SH3TC1: variants seen among roughly 807,000 people sequenced by gnomAD.
The protein encoded by SH3TC1 is SH3 domain and tetratricopeptide repeat-containing protein 1.
Under a neutral mutation model 117.3 loss-of-function variants are expected in SH3TC1, and 135 were observed. That is an observed-to-expected ratio of 1.15 (90% CI 1.00 to 1.33). The LOEUF (loss-of-function observed/expected upper bound fraction) is 1.33. SH3TC1 is among the 40% of genes most tolerant of loss of function. SH3TC1 has a pLI of 0.00. For missense variants in SH3TC1, 2,092 were observed against 1,794.3 expected (o/e 1.17, Z -3.00); for synonymous variants, 898 against 816.9 (o/e 1.10, Z -1.69).
Position 8,225,281 on chromosome 4 carries a change from G to A in SH3TC1, c.1285+65G>A. The A allele has an allele frequency of 6.4e-7, 1 of 1,557,952 alleles. No homozygotes were observed. The highest frequency in any genetic ancestry group is 1.8e-5 in the Admixed American group (1 of 54,292). On this transcript the variant is annotated intron_variant, in intron 11 of 17. Transcript: ENST00000245105. This position sits in a 1 kb window ranked among gnomAD's most constrained non-coding sequence, Gnocchi z 5.5. Reference sequence around the variant, plus strand: ...GCTGGGCCTTGGGGTAACGCTGGGGGAGGTGACAAAGCTGAGCACGGTGGG... The same window carrying A: ...GCTGGGCCTTGGGGTAACGCTGGGGAAGGTGACAAAGCTGAGCACGGTGGG...
intron 14 of SH3TC1, among the ~76,000 whole-genome samples, chr4:8,234,476 C>A (rs1374755474): frequency 1.0e-5 from 1 of 98,158 alleles, no homozygotes; most frequent in Non-Finnish European, 2.3e-5. Context: ...TCATTCAACC[C>A]ATCCATCCAT....
At chr4:8,184,095 A>G (rs1180519582) in intron 1 of SH3TC1, among the ~76,000 whole-genome samples, 2 of 152,192 alleles carry the variant, frequency 1.3e-5, no homozygotes, top group African/African-American at 2.4e-5. Context: ...GCATGAAGGC[A>G]TATATGTGTA....
Position 8,209,610 on chromosome 4 carries a change from G to T in SH3TC1, c.173-138G>T. 1 of 1,537,202 alleles carries T rather than the reference G, an allele frequency of 6.5e-7. No individual in the cohort carries two copies. Among genetic ancestry groups the T allele is most frequent in the South Asian group, 1.2e-5 (1 of 83,606 alleles). ...CTGGGCTCTGGGGAGACTGGAGGAA[G>T]GCAGCTGTGGGAAAGGCGGCTCGTG... is the stretch of plus-strand genomic sequence containing the variant. On this transcript the variant is annotated intron_variant, in intron 2 of 17. Coordinates refer to ENST00000245105, the MANE Select transcript of SH3TC1 (RefSeq NM_018986.5). This position sits in a 1 kb window ranked among gnomAD's most constrained non-coding sequence, Gnocchi z 5.9.
In SH3TC1 at chr4:8,228,076, G is replaced by C; in HGVS notation, c.2382G>C (p.Gln794His). 6.2e-7 allele frequency: 1 copy of C among 1,607,220 alleles called. No homozygotes were observed. Among genetic ancestry groups the C allele is most frequent in the Non-Finnish European group, 8.5e-7 (1 of 1,176,390 alleles). ...GCCCCCTCTACACCAGCTTGGCCCAGCTGTACAGCCACCATGGCTGCCACG... is the reference window on the plus strand; with the variant it reads ...GCCCCCTCTACACCAGCTTGGCCCACCTGTACAGCCACCATGGCTGCCACG... ...LRGPLYTSLA[Q>H]LYSHHGCHGP... The change falls in exon 12 of 18, where the codon CAG becomes CAC. Residue 794 changes from glutamine (Q) to histidine (H), a missense_variant. Coordinates refer to ENST00000245105, the MANE Select transcript of SH3TC1 (RefSeq NM_018986.5).
chr4:8,197,669 G>T (rs560214910), upstream of SH3TC1, among the ~76,000 whole-genome samples: 29 of 152,360 alleles, frequency 1.9e-4, no homozygotes, highest in African/African-American at 7.0e-4. Flanking sequence ...TGGAGGCTGG[G>T]CCCCTAAGGG....
chr4:8,216,913 G>T (rs369688701), intron 6 of SH3TC1, 44 bp from the exon 7 acceptor site: 2 of 1,596,604 alleles, frequency 1.3e-6, no homozygotes, highest in Non-Finnish European at 1.7e-6. Context: ...CCACAGCTGC[G>T]CCCAGTCCGG....
intron 1 of SH3TC1, among the ~76,000 whole-genome samples, chr4:8,187,005 G>A (rs1003560538): frequency 2.0e-5 from 3 of 150,784 alleles, no homozygotes; most frequent in African/African-American, 7.3e-5. Context: ...TGCCCATTCT[G>A]GGACTCCTGC....
upstream of SH3TC1, among the ~76,000 whole-genome samples, chr4:8,196,130 G>C (rs1717551045): frequency 6.6e-6 from 1 of 152,244 alleles, no homozygotes; most frequent in Non-Finnish European, 1.5e-5. The surrounding 1 kb of genome is among the most constrained non-coding windows in gnomAD (Gnocchi z 4.6). Flanking sequence ...GTGCAACTGA[G>C]GTGTGCACCT....
Position 8,219,482 on chromosome 4 carries a change from T to C in SH3TC1, c.1064T>C (p.Val355Ala), listed in dbSNP as rs775335703. The change falls in exon 9 of 18, where the codon GTG (valine) becomes GCG (alanine). Residue 355 changes from valine to alanine, a missense_variant. Physicochemically the swap from Val to Ala is moderately conservative, Grantham distance 64. Transcript: ENST00000245105. Reference sequence around the variant, plus strand: ...GGCCGACACGCAGCCTCGGGCCGGGTGGGGTTTGTGCGGAGCAGCCTCATC... The same window carrying C: ...GGCCGACACGCAGCCTCGGGCCGGGCGGGGTTTGTGCGGAGCAGCCTCATC... The part of the protein sequence containing the change: ...CVGRHAASGR[V>A]GFVRSSLISM... 2.1e-5 allele frequency: 34 copies of C among 1,603,644 alleles called. No homozygotes were observed. In the African/African-American group the frequency reaches 3.1e-4, roughly 15 times the overall value.
chr4:8,230,318 T>A (rs1721074035), intron 12 of SH3TC1, among the ~76,000 whole-genome samples: 1 of 152,190 alleles, frequency 6.6e-6, no homozygotes. Flanking sequence ...TTATTTTTAT[T>A]AGAGATGGGG....
Position 8,225,927 on chromosome 4 carries a change from C to T in SH3TC1, c.1285+711C>T, listed in dbSNP as rs962733818. Among the ~76,000 whole-genome samples, 32 of 152,032 alleles carry T rather than the reference C, an allele frequency of 2.1e-4. No individual in the cohort carries two copies. The highest frequency in any genetic ancestry group is 1.3e-3 in the Admixed American group (20 of 15,266). On this transcript the variant is annotated intron_variant, in intron 11 of 17. Transcript: ENST00000245105. The surrounding 1 kb of genome is among the most constrained non-coding windows in gnomAD (Gnocchi z 5.5). ...TCTGCCGAAGTCCCTGGAGCAAATGCGAGTGACTCCAGCTGCCCCCAAGGC... is the reference window on the plus strand; with the variant it reads ...TCTGCCGAAGTCCCTGGAGCAAATGTGAGTGACTCCAGCTGCCCCCAAGGC...
intron 14 of SH3TC1, among the ~76,000 whole-genome samples, chr4:8,234,494 CCCATCCAT>C (rs1202450066): frequency 6.7e-5 from 2 of 29,726 alleles, no homozygotes; most frequent in African/African-American, 9.7e-5. Flanking sequence ...CATCCATCCA[CCCATCCAT>C]CCATTCATCT....
chr4:8,226,968 T>C lies in SH3TC1; in HGVS notation c.1286-12T>C, dbSNP rs1414791363. ...GGACTCTAATCTGTCTAGGTGTTTTTGTGACTTGCAGAAATACCTCCACCT... is the reference window on the plus strand; with the variant it reads ...GGACTCTAATCTGTCTAGGTGTTTTCGTGACTTGCAGAAATACCTCCACCT... On this transcript the variant is annotated splice_polypyrimidine_tract_variant and intron_variant, in intron 11 of 17. Transcript: ENST00000245105. 6.6e-7 allele frequency: 1 copy of C among 1,524,206 alleles called. No homozygotes were observed. Among genetic ancestry groups the C allele is most frequent in the East Asian group, 2.3e-5 (1 of 43,734 alleles). 94.4% of individuals were successfully genotyped at this position (1,524,206 alleles called of 1,614,324 possible).
chr4:8,236,003 G>C, intron 15 of SH3TC1: 1 of 490,586 alleles, frequency 2.0e-6, no homozygotes, highest in Admixed American at 3.8e-5. Flanking sequence ...TGTTTTTAGA[G>C]CAGAGAGGAG....
chr4:8,224,801 G>A (rs1326118701), intron 10 of SH3TC1, among the ~76,000 whole-genome samples: 1 of 152,204 alleles, frequency 6.6e-6, no homozygotes, highest in Non-Finnish European at 1.5e-5. Flanking sequence ...GATGGAAGCC[G>A]AGAGCGTGCT....
intron 10 of SH3TC1, 41 bp downstream of exon 10, chr4:8,223,011 C>T (rs746149159): frequency 1.9e-6 from 3 of 1,588,052 alleles, no homozygotes; most frequent in East Asian, 2.3e-5. Context: ...ACTGCCCTCC[C>T]CTTTCCCTTC....
intron 6 of SH3TC1, 152 bp downstream of exon 6, chr4:8,216,409 G>A (rs1385813476): frequency 5.7e-6 from 7 of 1,222,644 alleles, no homozygotes; most frequent in East Asian, 2.6e-5. Context: ...GCAGGGAGGT[G>A]TGCTTGGTGT....
intron 3 of SH3TC1, 27 bp from the exon 4 acceptor site, chr4:8,212,674 C>T (rs751533591): frequency 4.8e-5 from 78 of 1,612,532 alleles, no homozygotes; most frequent in Non-Finnish European, 6.2e-5. Flanking sequence ...GTCAGACCAA[C>T]TGCCCAACCT....
rs1175788667 is a variant in SH3TC1, at chr4:8,225,022, C to T, written c.1244-153C>T. The stretch of plus-strand genomic sequence containing the variant: ...GCAACACCTGCACCCTGCAACACTC[C>T]AGCCCGCAACACCAGCACCCTGCAA... On this transcript the variant is annotated intron_variant, in intron 10 of 17. Coordinates refer to ENST00000245105, the MANE Select transcript of SH3TC1 (RefSeq NM_018986.5). The surrounding 1 kb of genome is among the most constrained non-coding windows in gnomAD (Gnocchi z 5.5). 1 of 912,568 alleles carries T rather than the reference C, an allele frequency of 1.1e-6. No homozygotes were observed. The highest frequency in any genetic ancestry group is 1.6e-5 in the African/African-American group (1 of 60,796). 56.5% of individuals were successfully genotyped at this position (912,568 alleles called of 1,614,324 possible). A position where few individuals can be genotyped will look rare whatever the true frequency, so the allele number is the denominator to read the frequency against.
Sources: gnomAD v4.1 joint callset for allele counts (sites outside exome capture counted in the v4.1 genomes callset) on GRCh38, gnomAD v4.1.1 for gene constraint, Gnocchi (gnomAD v3.1) non-coding constraint, MANE v1.5 for transcripts, NCBI Gene and HGNC (gene_info 2026-07-23, HGNC 2026-07-21) for gene names.